The following ADAMTS17 variants were observed in gnomAD, a reference collection of about 807,000 sequenced individuals.
The protein encoded by ADAMTS17 is ADAM metallopeptidase with thrombospondin type 1 motif 17.
A neutral mutation model predicts 141.5 loss-of-function variants in ADAMTS17; 113 were observed. That is an observed-to-expected ratio of 0.80 (90% CI 0.69 to 0.93). The LOEUF (loss-of-function observed/expected upper bound fraction) is 0.93. Ranked by LOEUF, ADAMTS17 falls within the 40% of genes least tolerant of loss-of-function variation. ADAMTS17 has a pLI of 0.00. For synonymous variants in ADAMTS17, 768 were observed against 630.6 expected (o/e 1.22, Z -3.27); for missense variants, 1,659 against 1,517.9 (o/e 1.09, Z -1.54).
At chr15:100,230,661 G>A (rs917202687) in intron 7 of ADAMTS17, among the ~76,000 whole-genome samples, 4 of 152,156 alleles carry the variant, frequency 2.6e-5, no homozygotes, top group African/African-American at 4.8e-5. Flanking sequence ...CACTTTTTTC[G>A]GGTTTGATCA....
intron 15 of ADAMTS17, among the ~76,000 whole-genome samples, chr15:100,081,501 T>C (rs1412905247): frequency 6.6e-6 from 1 of 152,246 alleles, no homozygotes; most frequent in South Asian, 2.1e-4. Context: ...GGGTGAATTA[T>C]ATGGCATGTG....
At chr15:100,173,235 G>C (rs1046248329) in intron 8 of ADAMTS17, among the ~76,000 whole-genome samples, 1 of 151,186 alleles carries the variant, frequency 6.6e-6, no homozygotes, top group Non-Finnish European at 1.5e-5. Flanking sequence ...TCCCTACTTA[G>C]CTTTTTAGAA....
intron 10 of ADAMTS17, among the ~76,000 whole-genome samples, chr15:100,149,567 C>A (rs191026403): frequency 5.3e-5 from 8 of 152,296 alleles, no homozygotes; most frequent in Admixed American, 3.9e-4. Context: ...CTGTTCCTCA[C>A]CTTTTTTCCT....
intron 12 of ADAMTS17, chr15:100,129,714 G>C (rs2037935088): frequency 6.6e-6 from 1 of 151,870 alleles, no homozygotes; most frequent in Non-Finnish European, 1.5e-5. Flanking sequence ...TTGCACTACA[G>C]CCTGGGCAAC....
rs537041965 is a variant in ADAMTS17 at position 99,985,937 on chromosome 15, G to A, written c.2949+7111C>T. On this transcript the variant is annotated intron_variant, in intron 20 of 21. Transcript: ENST00000268070. ...AGGCAGGGGCTGTCTGGATCCCACAGTGCTGACTTCATACCTGCCCAGTGG... is the reference window on the plus strand; with the variant it reads ...AGGCAGGGGCTGTCTGGATCCCACAATGCTGACTTCATACCTGCCCAGTGG... Among the ~76,000 whole-genome samples, 8 of 152,364 alleles carry A rather than the reference G, an allele frequency of 5.3e-5. No individual in the cohort carries two copies. In the East Asian group the frequency reaches 7.7e-4, roughly 15 times the overall value.
chr15:100,160,516 C>T (rs1456423090), intron 8 of ADAMTS17, among the ~76,000 whole-genome samples: 3 of 152,202 alleles, frequency 2.0e-5, no homozygotes, highest in Non-Finnish European at 4.4e-5. Flanking sequence ...GAAAGGGGCT[C>T]CTTCTTCCCA....
chr15:100,056,904 T>G (rs1013499222), intron 15 of ADAMTS17, among the ~76,000 whole-genome samples: 2 of 151,948 alleles, frequency 1.3e-5, no homozygotes, highest in African/African-American at 4.8e-5. Flanking sequence ...TTTCACAAGC[T>G]TTATGGTAAG....
chr15:99,988,547 C>T (rs2060634062), intron 20 of ADAMTS17, among the ~76,000 whole-genome samples: 1 of 152,210 alleles, frequency 6.6e-6, no homozygotes, highest in African/African-American at 2.4e-5. Flanking sequence ...ATATAGCAAC[C>T]AAGATGTCAC....
intron 7 of ADAMTS17, among the ~76,000 whole-genome samples, chr15:100,245,776 A>G (rs1055447035): frequency 3.3e-5 from 5 of 152,318 alleles, no homozygotes; most frequent in Admixed American, 2.6e-4. Flanking sequence ...GAGAACTTAC[A>G]GATTTTGTAG....
chr15:100,294,369 G>A (rs1292801497), intron 3 of ADAMTS17, among the ~76,000 whole-genome samples: 2 of 152,110 alleles, frequency 1.3e-5, no homozygotes. Context: ...CTACTCTGCA[G>A]GAGGCATGAA....
In ADAMTS17 at chr15:99,993,705, C is replaced by T. The variant is rs953300466; in HGVS notation, c.2797-505G>A. Among the ~76,000 whole-genome samples the T allele has an allele frequency of 2.0e-5, 3 of 152,092 alleles. No homozygotes were observed. The highest frequency in any genetic ancestry group is 1.5e-5 in the Non-Finnish European group (1 of 68,020). ...TCCAGCCGGGAGAAGGAGGAGGAGG[C>T]GGCAGAAGGAAGGAAAAGCCACAGA... On this transcript the variant is annotated intron_variant, in intron 19 of 21. Coordinates refer to ENST00000268070, the MANE Select transcript of ADAMTS17 (RefSeq NM_139057.4). The surrounding 1 kb of genome is among the most constrained non-coding windows in gnomAD (Gnocchi z 4.3).
At chr15:100,200,534 G>A (rs1320275879) in intron 7 of ADAMTS17, among the ~76,000 whole-genome samples, 1 of 152,146 alleles carries the variant, frequency 6.6e-6, no homozygotes, top group African/African-American at 2.4e-5. Flanking sequence ...TAGGAAACCT[G>A]ACATCCGCCC....
At chr15:100,086,043 C>G (rs1249317547) in intron 15 of ADAMTS17, among the ~76,000 whole-genome samples, 1 of 150,610 alleles carries the variant, frequency 6.6e-6, no homozygotes, top group Non-Finnish European at 1.5e-5. Flanking sequence ...TTAAAAGACA[C>G]AGACTAGCAA....
At chr15:100,264,418 T>C (rs1001179108) in intron 4 of ADAMTS17, among the ~76,000 whole-genome samples, 1 of 152,192 alleles carries the variant, frequency 6.6e-6, no homozygotes, top group Non-Finnish European at 1.5e-5. Context: ...CTTGAAGTTA[T>C]GAGGGAGAAA....
chr15:100,146,517 T>C (rs2038910978), intron 10 of ADAMTS17, among the ~76,000 whole-genome samples: 1 of 152,218 alleles, frequency 6.6e-6, no homozygotes, highest in African/African-American at 2.4e-5. Flanking sequence ...CTCAGGACCC[T>C]GTGATAATTG....
At chr15:100,224,073 C>T (rs1190713284) in intron 7 of ADAMTS17, among the ~76,000 whole-genome samples, 3 of 152,034 alleles carry the variant, frequency 2.0e-5, no homozygotes, top group Non-Finnish European at 2.9e-5. Flanking sequence ...TAGATTGTGC[C>T]CACCAGATTA....
chr15:100,312,364 T>C (rs1030310908), intron 3 of ADAMTS17, among the ~76,000 whole-genome samples: 3 of 152,142 alleles, frequency 2.0e-5, no homozygotes, highest in African/African-American at 7.2e-5. Context: ...AGGCAGCCTC[T>C]GGGAGCTGGA....
chr15:100,141,787 A>G (rs2038667123), intron 10 of ADAMTS17, among the ~76,000 whole-genome samples: 1 of 152,246 alleles, frequency 6.6e-6, no homozygotes, highest in Non-Finnish European at 1.5e-5. Flanking sequence ...AAACTTTCAA[A>G]CACTTCTGGA....
At chr15:100,224,199 C>G (rs1456358593) in intron 7 of ADAMTS17, among the ~76,000 whole-genome samples, 1 of 152,140 alleles carries the variant, frequency 6.6e-6, no homozygotes, top group Non-Finnish European at 1.5e-5. Flanking sequence ...CAAGTTGACA[C>G]TCGGTATTAA....
Sources: gnomAD v4.1 joint callset for allele counts (sites outside exome capture counted in the v4.1 genomes callset) on GRCh38, gnomAD v4.1.1 for gene constraint, Gnocchi (gnomAD v3.1) non-coding constraint, MANE v1.5 for transcripts, NCBI Gene and HGNC (gene_info 2026-07-23, HGNC 2026-07-21) for gene names.